Variants in ALMS1 observed in about 807,000 individuals in gnomAD.
The protein encoded by ALMS1 is ALMS1 centrosome and basal body associated protein.
Under a neutral mutation model 352.2 loss-of-function variants are expected in ALMS1, and 271 were observed. The observed-to-expected ratio is 0.77, with a 90% confidence interval of 0.70 to 0.85. The LOEUF (loss-of-function observed/expected upper bound fraction) is 0.85. Among genes scored for constraint, ALMS1 ranks in the 40% least tolerant of loss-of-function variants. The pLI is 0.00. For synonymous variants in ALMS1, 1,865 were observed against 1,761.2 expected, an observed-to-expected ratio of 1.06 and a Z score of -1.48; for missense variants, 5,445 against 4,870.7, an observed-to-expected ratio of 1.12 and a Z score of -3.51.
chr2:73,435,660 G>A (rs965238233), intron 7 of ALMS1, among the ~76,000 whole-genome samples: 2 of 151,748 alleles, frequency 1.3e-5, no homozygotes, highest in African/African-American at 2.4e-5. Flanking sequence ...GATTGCAGTG[G>A]CATGATCATA....
intron 6 of ALMS1, among the ~76,000 whole-genome samples, chr2:73,427,593 C>T (rs1037249291): frequency 6.6e-6 from 1 of 152,006 alleles, no homozygotes; most frequent in South Asian, 2.1e-4. Flanking sequence ...ACCTATCAAC[C>T]TGTCATCTAC....
At chr2:73,398,114 G>A (rs892108879) in intron 1 of ALMS1, among the ~76,000 whole-genome samples, 1 of 152,094 alleles carries the variant, frequency 6.6e-6, no homozygotes, top group Non-Finnish European at 1.5e-5. Context: ...TTTGCACTTT[G>A]CATTTAGGTC....
rs1022898016 is a variant in ALMS1, at chr2:73,491,173, G to C, written c.9214G>C (p.Asp3072His). Residue 3072 changes from aspartate to histidine, a missense_variant, in exon 10 of 23, where the codon GAT becomes CAT. Physicochemically the swap from Asp to His is moderately conservative, Grantham distance 81. Transcript: ENST00000613296. ...GTLDERFHSL[D>H]AASKARMNSE... ...TTTAGATGAAAGATTCCATTCATTG[G>C]ATGCTGCTTCTAAAGCGAGGATGAA... 8 of 1,614,000 alleles carry C rather than the reference G, an allele frequency of 5.0e-6. No homozygotes were observed. Among genetic ancestry groups the C allele is most frequent in the South Asian group, 1.1e-5 (1 of 91,074 alleles).
rs999444349 is a variant in ALMS1 at position 73,561,028 on chromosome 2, G to A, written c.10384+1886G>A. Among the ~76,000 whole-genome samples, 9 of 152,344 alleles carry A rather than the reference G, an allele frequency of 5.9e-5. No individual in the cohort carries two copies. In the East Asian group the frequency reaches 1.5e-3, roughly 26 times the overall value. On this transcript the variant is annotated intron_variant, in intron 15 of 22. Transcript: ENST00000613296. Reference sequence around the variant, plus strand: ...GCTAGCTTGAAGCAAGCTTACAGTGGCGTGAAAGCGGGAATACAGAAGCAG... The same window carrying A: ...GCTAGCTTGAAGCAAGCTTACAGTGACGTGAAAGCGGGAATACAGAAGCAG...
In ALMS1 at chr2:73,391,294, C is replaced by CTTTTTTTTTTTTTTTT. The variant is rs397972016; in HGVS notation, c.324+5104_324+5119dup. Among the ~76,000 whole-genome samples the CTTTTTTTTTTTTTTTT allele has an allele frequency of 1.7e-4, 20 of 114,926 alleles. 2 individuals are homozygous for CTTTTTTTTTTTTTTTT. Among genetic ancestry groups the CTTTTTTTTTTTTTTTT allele is most frequent in the African/African-American group, 3.3e-4 (8 of 24,454 alleles). The allele number at this position is 114,926 out of a possible 152,430, so 75.4% of individuals were successfully genotyped here. A position where few individuals can be genotyped will look rare whatever the true frequency, so the allele number is the denominator to read the frequency against. Reference sequence around the variant, plus strand: ...TTAACCTATTCATATACGTTTTATTCTTTTTTTTTTTTTTTTTGAGACGGA... The same window carrying CTTTTTTTTTTTTTTTT: ...TTAACCTATTCATATACGTTTTATTCTTTTTTTTTTTTTTTTTTTTTTTTTTTTTTTTTGAGACGGA... On this transcript the variant is annotated intron_variant, in intron 1 of 22. Transcript: ENST00000613296.
intron 4 of ALMS1, among the ~76,000 whole-genome samples, chr2:73,423,849 C>T (rs1671329164): frequency 6.6e-6 from 1 of 151,964 alleles, no homozygotes; most frequent in Admixed American, 6.6e-5. Context: ...GCCATCATGG[C>T]TCACTGTGAC....
chr2:73,478,222 C>T (rs543733144), intron 9 of ALMS1, among the ~76,000 whole-genome samples: 2 of 152,206 alleles, frequency 1.3e-5, no homozygotes, highest in Non-Finnish European at 2.9e-5. Context: ...GAGCCTGTTA[C>T]ATATCTAATG....
intron 9 of ALMS1, among the ~76,000 whole-genome samples, chr2:73,482,396 A>G (rs1380891425): frequency 4.0e-5 from 6 of 151,746 alleles, no homozygotes; most frequent in East Asian, 3.9e-4. Flanking sequence ...ATTTGCATAT[A>G]TTGAACCAGC....
intron 9 of ALMS1, among the ~76,000 whole-genome samples, chr2:73,479,544 T>C (rs982260305): frequency 1.3e-5 from 2 of 152,222 alleles, no homozygotes; most frequent in African/African-American, 4.8e-5. Context: ...CAGACTGTTT[T>C]ATGTATCAGT....
At chr2:73,460,236 T>C (rs1007183840) in intron 9 of ALMS1, among the ~76,000 whole-genome samples, 3 of 152,200 alleles carry the variant, frequency 2.0e-5, no homozygotes, top group Non-Finnish European at 4.4e-5. Context: ...TTATATGTAA[T>C]ATAATTATTA....
intron 9 of ALMS1, among the ~76,000 whole-genome samples, chr2:73,481,920 T>C (rs1450003083): frequency 1.3e-5 from 2 of 151,854 alleles, no homozygotes; most frequent in African/African-American, 2.4e-5. Context: ...TTTTTGTACA[T>C]TGATTTTGTA....
At chr2:73,510,811 C>A (rs563910579) in intron 10 of ALMS1, among the ~76,000 whole-genome samples, 1 of 152,156 alleles carries the variant, frequency 6.6e-6, no homozygotes, top group East Asian at 1.9e-4. Flanking sequence ...AAGCTGTGCC[C>A]ACAGCTGCCC....
At chr2:73,542,796 C>G (rs1416251986) in intron 12 of ALMS1, among the ~76,000 whole-genome samples, 2 of 151,862 alleles carry the variant, frequency 1.3e-5, no homozygotes, top group Admixed American at 1.3e-4. Flanking sequence ...ACCTAGGAAT[C>G]CAACTTACAA....
At chr2:73,477,487 A>G (rs1367560055) in intron 9 of ALMS1, among the ~76,000 whole-genome samples, 1 of 151,864 alleles carries the variant, frequency 6.6e-6, no homozygotes, top group East Asian at 1.9e-4. Flanking sequence ...TCTGCTTGTC[A>G]ATTACTGAAA....
chr2:73,406,478 CT>C (rs1310434048), intron 1 of ALMS1, among the ~76,000 whole-genome samples: 1 of 137,460 alleles, frequency 7.3e-6, no homozygotes, highest in Admixed American at 7.4e-5. Context: ...CCTTTCATAG[CT>C]TGTTTTTCAT....
At chr2:73,466,282 C>T (rs1414909183) in intron 9 of ALMS1, among the ~76,000 whole-genome samples, 1 of 152,044 alleles carries the variant, frequency 6.6e-6, no homozygotes, top group Non-Finnish European at 1.5e-5. Flanking sequence ...GGCACATATA[C>T]ACCATGGAAT....
In ALMS1 at chr2:73,457,758, C is replaced by T. The variant is rs576938536; in HGVS notation, c.7674+2463C>T. Reference sequence around the variant, plus strand: ...AAAAAGTCTAAAACTTTTGGCTGGGCGCGGTGGCTCATGCCTGTAATCCTA... The same window carrying T: ...AAAAAGTCTAAAACTTTTGGCTGGGTGCGGTGGCTCATGCCTGTAATCCTA... On this transcript the variant is annotated intron_variant, in intron 9 of 22. Transcript: ENST00000613296. 2.0e-4 allele frequency among the ~76,000 whole-genome samples: 30 copies of T among 151,874 alleles called. No homozygotes were observed. The East Asian group carries it at 4.9e-3, about 25-fold the overall frequency.
At chr2:73,489,607 A>G (rs779089475) in intron 9 of ALMS1, 27 bp from the exon 10 acceptor site, 4 of 1,613,722 alleles carry the variant, frequency 2.5e-6, no homozygotes, top group East Asian at 2.2e-5. Flanking sequence ...TACTTCAAAT[A>G]AGAACCTGTT....
intron 16 of ALMS1, among the ~76,000 whole-genome samples, chr2:73,587,964 A>T (rs1450618617): frequency 6.6e-6 from 1 of 152,228 alleles, no homozygotes; most frequent in Non-Finnish European, 1.5e-5. Context: ...TCTATATTAA[A>T]TCAGGAAGAA....
Sources: allele counts gnomAD v4.1 joint callset (sites outside exome capture counted in the v4.1 genomes callset), GRCh38; gene constraint gnomAD v4.1.1; transcripts MANE v1.5; gene names NCBI Gene and HGNC (gene_info 2026-07-23, HGNC 2026-07-21).